Variants in ADAMTS18 observed in about 807,000 individuals in gnomAD.
The protein encoded by ADAMTS18 is ADAM metallopeptidase with thrombospondin type 1 motif 18.
ADAMTS18 carries 157 observed loss-of-function variants against 165.9 expected under a neutral mutation model. That is an observed-to-expected ratio of 0.95 (90% CI 0.83 to 1.08). The LOEUF is 1.08. ADAMTS18 is among the 50% of genes least tolerant of loss of function. The probability of loss-of-function intolerance (pLI) is 0.00; values close to 1 mark genes in which losing one functional copy is unlikely to be tolerated. For synonymous variants in ADAMTS18, 782 were observed against 578.2 expected (o/e 1.35, Z -5.06); for missense variants, 2,040 against 1,534.0 (o/e 1.33, Z -5.51).
rs34422251 is a variant in ADAMTS18, at chr16:77,297,916, C to CTTTTTT, written c.2675-507_2675-502dup. Among the ~76,000 whole-genome samples, 13 of 61,558 alleles carry CTTTTTT rather than the reference C, an allele frequency of 2.1e-4. 1 individual carries two copies. Among genetic ancestry groups the CTTTTTT allele is most frequent in the South Asian group, 9.2e-4 (1 of 1,082 alleles). The allele number at this position is 61,558 out of a possible 152,430, so 40.4% of individuals were successfully genotyped here. ...CCTATCAGCCAGGGCTCTGCTTTTG[C>CTTTTTT]TTTTTTTTTTTTTTTTTTTTTTTTT... On this transcript the variant is annotated intron_variant, in intron 17 of 22. Coordinates refer to ENST00000282849, the MANE Select transcript of ADAMTS18 (RefSeq NM_199355.4).
intron 3 of ADAMTS18, among the ~76,000 whole-genome samples, chr16:77,430,084 G>T (rs1008010826): frequency 5.9e-5 from 9 of 152,058 alleles, no homozygotes; most frequent in African/African-American, 1.4e-4. Context: ...TAGGACACCG[G>T]AATAGACAGA....
At chr16:77,317,830 T>A (rs2055914939) in intron 16 of ADAMTS18, among the ~76,000 whole-genome samples, 1 of 152,164 alleles carries the variant, frequency 6.6e-6, no homozygotes, top group African/African-American at 2.4e-5. Flanking sequence ...TTCAAAGAAT[T>A]ATCCAGGCCC....
rs961208768 is a variant in ADAMTS18 at position 77,434,759 on chromosome 16, C to T, written c.-64G>A. 5 of 1,300,080 alleles carry T rather than the reference C, an allele frequency of 3.8e-6. No individual in the cohort carries two copies. The East Asian group carries it at 1.3e-4, about 34-fold the overall frequency. The allele number at this position is 1,300,080 out of a possible 1,614,324, so 80.5% of individuals were successfully genotyped here. ...CGGCAGGCGGAGCGCACGGGCGGCG[C>T]GCATTCTTTCCGCGGCCCCGGAGCT... is the stretch of plus-strand genomic sequence containing the variant. On this transcript the variant is annotated 5_prime_UTR_variant, in exon 1 of 23. Transcript: ENST00000282849.
chr16:77,289,166 G>C (rs2055313645), intron 22 of ADAMTS18, 98 bp downstream of exon 22: 6 of 1,474,648 alleles, frequency 4.1e-6, no homozygotes, highest in Non-Finnish European at 3.8e-6. Context: ...GCTTACCCTA[G>C]AGTTGTACAA....
At chr16:77,311,008 G>C (rs1190167822) in intron 16 of ADAMTS18, among the ~76,000 whole-genome samples, 1 of 152,084 alleles carries the variant, frequency 6.6e-6, no homozygotes, top group Non-Finnish European at 1.5e-5. Flanking sequence ...AAATTGTTTT[G>C]ATGGTAATTA....
chr16:77,377,879 T>C (rs1176009321), intron 3 of ADAMTS18, among the ~76,000 whole-genome samples: 1 of 152,096 alleles, frequency 6.6e-6, no homozygotes, highest in African/African-American at 2.4e-5. Flanking sequence ...AGGGAAAGAC[T>C]TAAAGTATAA....
At chr16:77,335,997 G>A in intron 11 of ADAMTS18, 93 bp from the exon 12 acceptor site, 2 of 1,498,854 alleles carry the variant, frequency 1.3e-6, no homozygotes, top group Admixed American at 1.7e-5. Flanking sequence ...GGAAAAACAG[G>A]TCTGTTGGGA....
chr16:77,325,847 G>A lies in ADAMTS18; in HGVS notation c.2032+19C>T, dbSNP rs746279556. On this transcript the variant is annotated intron_variant, in intron 13 of 22. Coordinates refer to ENST00000282849, the MANE Select transcript of ADAMTS18 (RefSeq NM_199355.4). ...TATCCACATAGAGACTTATTTGAAT[G>A]TCATAGAGACCAAATTACCTTCCAC... The A allele has an allele frequency of 2.2e-5, 35 of 1,605,054 alleles. No homozygotes were observed. The South Asian group carries it at 3.7e-4, about 17-fold the overall frequency.
chr16:77,291,242 C>A (rs1348714293), intron 21 of ADAMTS18, 24 bp downstream of exon 21: 5 of 1,612,348 alleles, frequency 3.1e-6, no homozygotes, highest in East Asian at 2.2e-5. Flanking sequence ...TGAATAGACA[C>A]CTCCTCAATC....
chr16:77,286,304 C>T (rs1259195170), intron 22 of ADAMTS18, among the ~76,000 whole-genome samples: 2 of 152,054 alleles, frequency 1.3e-5, no homozygotes, highest in Non-Finnish European at 2.9e-5. Context: ...ATTTCCTCAC[C>T]CCTTCACCCC....
At chr16:77,355,866 G>C in intron 9 of ADAMTS18, 74 bp downstream of exon 9, 2 of 1,570,350 alleles carry the variant, frequency 1.3e-6, no homozygotes, top group Non-Finnish European at 1.8e-6. Context: ...CTGAGTATTC[G>C]TTTGCAGGTC....
intron 3 of ADAMTS18, among the ~76,000 whole-genome samples, chr16:77,414,444 T>C (rs1161392047): frequency 6.6e-6 from 1 of 152,250 alleles, no homozygotes; most frequent in African/African-American, 2.4e-5. Context: ...TTTTGCCGAT[T>C]ATTATTTTGA....
chr16:77,301,158 T>G (rs1052673450), intron 16 of ADAMTS18, among the ~76,000 whole-genome samples: 1 of 152,124 alleles, frequency 6.6e-6, no homozygotes, highest in African/African-American at 2.4e-5. Flanking sequence ...GTCTGACTAC[T>G]AAAATAAGAG....
At chr16:77,411,423 T>G (rs2057461159) in intron 3 of ADAMTS18, among the ~76,000 whole-genome samples, 1 of 152,204 alleles carries the variant, frequency 6.6e-6, no homozygotes, top group Non-Finnish European at 1.5e-5. Context: ...TGAGACATAT[T>G]TCATGAGTCA....
chr16:77,319,601 C>T (rs953633679), intron 16 of ADAMTS18, among the ~76,000 whole-genome samples: 15 of 152,116 alleles, frequency 9.9e-5, no homozygotes, highest in African/African-American at 3.6e-4. Context: ...TGCCACCACA[C>T]CTGGCTAATT....
Position 77,431,590 on chromosome 16 carries a change from A to G in ADAMTS18, c.200T>C (p.Val67Ala), listed in dbSNP as rs1253070970. The G allele has an allele frequency of 6.2e-7, 1 of 1,614,106 alleles. No individual in the cohort carries two copies. Among genetic ancestry groups the G allele is most frequent in the Admixed American group, 1.7e-5 (1 of 60,020 alleles). ...ATATGACCCGGCTGAGTCTACTTCTACTGGCGTGACAAAGACGTAATCTGC... is the reference window on the plus strand; with the variant it reads ...ATATGACCCGGCTGAGTCTACTTCTGCTGGCGTGACAAAGACGTAATCTGC... ...LNDDYVFVTP[V>A]EVDSAGSYIS... The change falls in exon 3 of 23, where the codon GTA becomes GCA. Residue 67 changes from valine (V) to alanine (A), a missense_variant. Val to Ala is a moderately conservative substitution (Grantham distance 64, BLOSUM62 0). Coordinates refer to ENST00000282849, the MANE Select transcript of ADAMTS18 (RefSeq NM_199355.4).
chr16:77,383,522 T>C (rs181170867), intron 3 of ADAMTS18, among the ~76,000 whole-genome samples: 5 of 151,090 alleles, frequency 3.3e-5, no homozygotes, highest in African/African-American at 1.2e-4. Context: ...TTCATGTAGG[T>C]TTTTGTCCAA....
chr16:77,327,300 G>T (rs1835087), intron 12 of ADAMTS18, among the ~76,000 whole-genome samples: 7,610 of 152,032 alleles, frequency 0.05, 464 homozygotes, highest in African/African-American at 0.15. Flanking sequence ...GTGTACCCTG[G>T]ACCCATTGTG....
rs181898794 is a variant in ADAMTS18 at position 77,362,347 on chromosome 16, C to T, written c.1057-83G>A. On this transcript the variant is annotated intron_variant, in intron 6 of 22. Coordinates refer to ENST00000282849, the MANE Select transcript of ADAMTS18 (RefSeq NM_199355.4). ...ATCATTCCATTTGTACAGGCAAACA[C>T]AGAAACATATTTCTAGGGAAAAAGA... 1.8e-5 allele frequency: 27 copies of T among 1,472,324 alleles called. No homozygotes were observed. The East Asian group carries it at 5.2e-4, about 28-fold the overall frequency. The allele number at this position is 1,472,324 out of a possible 1,614,324, so 91.2% of individuals were successfully genotyped here.
Sources: allele counts gnomAD v4.1 joint callset (sites outside exome capture counted in the v4.1 genomes callset), GRCh38; gene constraint gnomAD v4.1.1; transcripts MANE v1.5; gene names NCBI Gene and HGNC (gene_info 2026-07-23, HGNC 2026-07-21).